Variants in MTUS2 observed in about 807,000 individuals in gnomAD.
MTUS2 encodes microtubule associated scaffold protein 2, also known as microtubule-associated tumor suppressor candidate 2.
In MTUS2, 40 loss-of-function variants were observed where a neutral mutation model predicts 114.1. The observed-to-expected ratio is 0.35, with a 90% CI of 0.27 to 0.46. The LOEUF is 0.46. MTUS2 is among the 20% of genes least tolerant of loss of function. The probability of loss-of-function intolerance (pLI) is 1.00; values close to 1 mark genes in which losing one functional copy is unlikely to be tolerated. For synonymous variants in MTUS2, 688 were observed against 672.0 expected (o/e 1.02, Z -0.37); for missense variants, 1,679 against 1,705.4 (o/e 0.98, Z 0.27).
chr13:29,419,998 T>C lies in MTUS2; in HGVS notation c.3118-19985T>C, dbSNP rs562232408. Among the ~76,000 whole-genome samples the C allele has an allele frequency of 6.2e-4, 94 of 152,356 alleles. 3 individuals are homozygous for C. The South Asian group carries it at 0.019, about 31-fold the overall frequency. On this transcript the variant is annotated intron_variant, in intron 8 of 15. Coordinates refer to ENST00000612955, the MANE Select transcript of MTUS2 (RefSeq NM_001033602.4). ...CCATAAACAGTTCAGCTGTGGACTA[T>C]CAGTGCTCTCTTTTCTACTGAAAAT...
At chr13:28,994,569 CCTGA>C (rs1435268559) in intron 2 of MTUS2, among the ~76,000 whole-genome samples, 1 of 152,174 alleles carries the variant, frequency 6.6e-6, no homozygotes, top group South Asian at 2.1e-4. Context: ...CCTGTTGTTT[CCTGA>C]CTTTTTAGTG....
At chr13:29,472,732 C>A (rs1880413637) in intron 9 of MTUS2, among the ~76,000 whole-genome samples, 1 of 152,054 alleles carries the variant, frequency 6.6e-6, no homozygotes, top group African/African-American at 2.4e-5. Context: ...TCTATAATGG[C>A]AAATCTTGGA....
chr13:29,440,510 G>GCTAATTT (rs1877757019), intron 9 of MTUS2, among the ~76,000 whole-genome samples: 1 of 152,142 alleles, frequency 6.6e-6, no homozygotes. Context: ...CTAATATTTG[G>GCTAATTT]CTGATGAAAC....
chr13:29,435,091 G>A (rs182944945), intron 8 of MTUS2, among the ~76,000 whole-genome samples: 60 of 152,328 alleles, frequency 3.9e-4, no homozygotes, highest in Non-Finnish European at 7.3e-4. Context: ...AGAACTCAGC[G>A]TGCAAAGGAG....
At chr13:28,850,724 G>A (rs1419470342) in intron 2 of MTUS2, among the ~76,000 whole-genome samples, 1 of 152,166 alleles carries the variant, frequency 6.6e-6, no homozygotes, top group African/African-American at 2.4e-5. Context: ...CCTGGAGACT[G>A]GTCTTTAGAC....
At chr13:28,944,084 A>G (rs1255642590) in intron 2 of MTUS2, among the ~76,000 whole-genome samples, 3 of 151,984 alleles carry the variant, frequency 2.0e-5, no homozygotes, top group South Asian at 2.1e-4. Context: ...TTACTTCTAG[A>G]GACTAATTTT....
At position 29,295,262 on chromosome 13, in the gene MTUS2, A is replaced by G. The variant is rs569167640; in HGVS notation, c.2806+13397A>G. Among the ~76,000 whole-genome samples, 3 of 152,268 alleles carry G rather than the reference A, an allele frequency of 2.0e-5. No individual in the cohort carries two copies. In the East Asian group the frequency reaches 5.8e-4, roughly 29 times the overall value. On this transcript the variant is annotated intron_variant, in intron 6 of 15. Coordinates refer to ENST00000612955, the MANE Select transcript of MTUS2 (RefSeq NM_001033602.4). The stretch of plus-strand genomic sequence containing the variant: ...ATCACCTCAAATATGTATCATTTCT[A>G]TGTGTTAGGAACATTCGAAATCCAA...
intron 5 of MTUS2, 97 bp from the exon 6 acceptor site, chr13:29,281,607 C>T (rs1898272448): frequency 7.6e-7 from 1 of 1,309,830 alleles, no homozygotes; most frequent in Admixed American, 2.1e-5. Flanking sequence ...AGTTCTAAAG[C>T]AGATGACGGC....
At chr13:28,885,509 T>G (rs567997173) in intron 2 of MTUS2, among the ~76,000 whole-genome samples, 13 of 152,326 alleles carry the variant, frequency 8.5e-5, no homozygotes, top group African/African-American at 2.6e-4. Context: ...AGACAGCTGG[T>G]GAATGCCCAA....
At chr13:29,469,512 A>C (rs1880117607) in intron 9 of MTUS2, among the ~76,000 whole-genome samples, 1 of 152,026 alleles carries the variant, frequency 6.6e-6, no homozygotes, top group Admixed American at 6.6e-5. Context: ...CTGTAGTCCC[A>C]GCTACTGGGG....
intron 2 of MTUS2, among the ~76,000 whole-genome samples, chr13:28,913,173 G>T (rs967109501): frequency 2.0e-5 from 3 of 152,172 alleles, no homozygotes; most frequent in Admixed American, 6.5e-5. Flanking sequence ...GTGAGAGAAG[G>T]CATCCTTGTC....
chr13:29,503,071 C>G lies in MTUS2; in HGVS notation c.3975C>G (p.Thr1325=). The G allele has an allele frequency of 6.2e-7, 1 of 1,614,204 alleles. No homozygotes were observed. The highest frequency in any genetic ancestry group is 8.5e-7 in the Non-Finnish European group (1 of 1,180,034). Residue 1325 remains threonine, a synonymous_variant, in exon 16 of 16, where the codon ACC becomes ACG. Coordinates refer to ENST00000612955, the MANE Select transcript of MTUS2 (RefSeq NM_001033602.4). ...AGGAGAAGAAGAGATTGAGCCGAAC[C>G]AATGAAGAGCTGCTTTGGAAGCTCC... ...ETQEKKRLSR[T]NEELLWKLQT...
At chr13:29,227,527 C>A (rs1896158299) in intron 5 of MTUS2, among the ~76,000 whole-genome samples, 1 of 152,184 alleles carries the variant, frequency 6.6e-6, no homozygotes, top group African/African-American at 2.4e-5. Context: ...TCAAGGCAAT[C>A]TCTTGAATTT....
At position 29,099,231 on chromosome 13, in the gene MTUS2, G is replaced by A. The variant is rs139053117; in HGVS notation, c.2447-1542G>A. 2.6e-3 allele frequency among the ~76,000 whole-genome samples: 389 copies of A among 152,324 alleles called. 1 individual carries two copies. Among genetic ancestry groups the A allele is most frequent in the Middle Eastern group, 0.014 (4 of 294 alleles). On this transcript the variant is annotated intron_variant, in intron 4 of 15. Coordinates refer to ENST00000612955, the MANE Select transcript of MTUS2 (RefSeq NM_001033602.4). ...ATTGTTTCTTCTTTTTCATAGTTGA[G>A]GTTTTGTTTTTTGTTTTTTGTGCTT...
chr13:29,191,821 G>A (rs1410836461), intron 5 of MTUS2, among the ~76,000 whole-genome samples: 1 of 152,152 alleles, frequency 6.6e-6, no homozygotes, highest in Non-Finnish European at 1.5e-5. Flanking sequence ...TATAGTAGTT[G>A]ATAATAACTG....
intron 8 of MTUS2, among the ~76,000 whole-genome samples, chr13:29,420,911 AACAG>A (rs1593424860): frequency 1.3e-5 from 2 of 152,226 alleles, no homozygotes; most frequent in Non-Finnish European, 2.9e-5. Flanking sequence ...GTCAAAAACT[AACAG>A]ACAGGGAAAA....
chr13:29,271,346 A>G (rs1358787249), intron 5 of MTUS2, among the ~76,000 whole-genome samples: 1 of 151,862 alleles, frequency 6.6e-6, no homozygotes, highest in African/African-American at 2.4e-5. Context: ...TGAATTTTCC[A>G]TTTTTCCTCC....
At chr13:28,844,421 A>G (rs1212704966) in intron 2 of MTUS2, among the ~76,000 whole-genome samples, 1 of 150,208 alleles carries the variant, frequency 6.7e-6, no homozygotes, top group Admixed American at 6.6e-5. Context: ...GTGTGCGCGC[A>G]TGTGTGCGTG....
intron 8 of MTUS2, among the ~76,000 whole-genome samples, chr13:29,378,243 C>G (rs2138348326): frequency 6.6e-6 from 1 of 151,700 alleles, no homozygotes; most frequent in East Asian, 1.9e-4. Context: ...GTCAATTGCA[C>G]ACAAAGCACA....
Sources: gnomAD v4.1 joint callset for allele counts (sites outside exome capture counted in the v4.1 genomes callset) on GRCh38, gnomAD v4.1.1 for gene constraint, MANE v1.5 for transcripts, NCBI Gene and HGNC (gene_info 2026-07-23, HGNC 2026-07-21) for gene names.